Variants in ZNF385C observed in about 807,000 individuals in gnomAD.
ZNF385C encodes the protein zinc finger protein 385C.
A neutral mutation model predicts 35.4 loss-of-function variants in ZNF385C; 28 were observed. The ratio of observed to expected loss-of-function variants is 0.79; its 90% CI spans 0.59 to 1.08. ZNF385C has a LOEUF of 1.08. Ranked by LOEUF, ZNF385C falls within the 50% of genes least tolerant of loss-of-function variation. The pLI is 0.00. For synonymous variants in ZNF385C, 248 were observed against 248.2 expected (o/e 1.00, Z 0.01); for missense variants, 605 against 595.6 (o/e 1.02, Z -0.16).
chr17:42,039,620 C>G (rs911188923), intron 2 of ZNF385C: 1 of 1,172,666 alleles, frequency 8.5e-7, no homozygotes, highest in African/African-American at 1.6e-5. Context: ...AGCAGATCAT[C>G]TTGGGTGCAG....
At chr17:42,028,727 GA>G in intron 6 of ZNF385C, 55 bp downstream of exon 6, 2 of 1,507,364 alleles carry the variant, frequency 1.3e-6, no homozygotes, top group Non-Finnish European at 8.9e-7. Context: ...CTCATCTGGC[GA>G]GGCTTAGCTT....
chr17:42,063,701 G>A (rs964049371), intron 1 of ZNF385C, among the ~76,000 whole-genome samples: 1 of 152,202 alleles, frequency 6.6e-6, no homozygotes, highest in African/African-American at 2.4e-5. Context: ...GGTGGTCACT[G>A]AGGGAGAGGC....
intron 1 of ZNF385C, among the ~76,000 whole-genome samples, chr17:42,073,436 A>C (rs1402839181): frequency 2.7e-5 from 4 of 150,116 alleles, no homozygotes; most frequent in Non-Finnish European, 5.9e-5. Flanking sequence ...CTTCGTCTCA[A>C]AAAAAAAAAG....
At chr17:42,089,249 G>A (rs1488673492) in intron 1 of ZNF385C, among the ~76,000 whole-genome samples, 10 of 152,036 alleles carry the variant, frequency 6.6e-5, no homozygotes, top group Admixed American at 3.9e-4. Flanking sequence ...CTGGGAGGTC[G>A]AGGCTGCAGT....
chr17:42,077,858 T>C (rs1381787778), intron 1 of ZNF385C, among the ~76,000 whole-genome samples: 1 of 152,064 alleles, frequency 6.6e-6, no homozygotes, highest in Non-Finnish European at 1.5e-5. Flanking sequence ...CTTGAACAAG[T>C]CCACTGTGAC....
intron 1 of ZNF385C, among the ~76,000 whole-genome samples, chr17:42,079,402 A>T (rs1317079582): frequency 7.0e-5 from 10 of 142,414 alleles, no homozygotes; most frequent in African/African-American, 2.1e-4. Flanking sequence ...AAAAAAAAAA[A>T]TACTGACCAG....
intron 1 of ZNF385C, among the ~76,000 whole-genome samples, chr17:42,065,779 T>G (rs1555658409): frequency 6.6e-6 from 1 of 151,594 alleles, no homozygotes; most frequent in African/African-American, 2.4e-5. Context: ...TCTGCCCGCC[T>G]CGGCATCCCT....
rs1598185144 is a variant in ZNF385C, at chr17:42,041,012, C to G, written c.251-3127G>C. On this transcript the variant is annotated intron_variant, in intron 2 of 8. Coordinates refer to ENST00000692273, the MANE Select transcript of ZNF385C (RefSeq NM_001392013.1). The stretch of plus-strand genomic sequence containing the variant: ...GCAGTGGCCTCGCCCTCCTGTAGCT[C>G]CACACTGCCCAGGAAGGTGGTGGCG... 8.9e-6 allele frequency: 11 copies of G among 1,232,332 alleles called. No individual in the cohort carries two copies. The East Asian group carries it at 3.5e-4, about 39-fold the overall frequency. The allele number at this position is 1,232,332 out of a possible 1,614,324, so 76.3% of individuals were successfully genotyped here. A position where few individuals can be genotyped will look rare whatever the true frequency, so the allele number is the denominator to read the frequency against.
At chr17:42,065,989 G>C (rs146189121) in intron 1 of ZNF385C, among the ~76,000 whole-genome samples, 5 of 152,102 alleles carry the variant, frequency 3.3e-5, no homozygotes, top group African/African-American at 1.2e-4. Context: ...GATTAGATGA[G>C]CTGATCTATA....
chr17:42,082,264 C>T (rs782571690), intron 1 of ZNF385C, among the ~76,000 whole-genome samples: 1 of 152,188 alleles, frequency 6.6e-6, no homozygotes, highest in African/African-American at 2.4e-5. Context: ...GGGTATGACT[C>T]GTGACCTCAG....
At chr17:42,066,628 A>G (rs2053550520) in intron 1 of ZNF385C, among the ~76,000 whole-genome samples, 1 of 152,144 alleles carries the variant, frequency 6.6e-6, no homozygotes, top group African/African-American at 2.4e-5. Context: ...ATGTCCCCCA[A>G]AATTCAATAT....
chr17:42,040,011 G>C, intron 2 of ZNF385C: 1 of 1,231,052 alleles, frequency 8.1e-7, no homozygotes, highest in Non-Finnish European at 1.0e-6. Context: ...CCCGCGGGCC[G>C]AGCCGCCCAA....
At position 42,050,823 on chromosome 17, in the gene ZNF385C, G is replaced by C. The variant is rs1555657055; in HGVS notation, c.250+11984C>G. Among the ~76,000 whole-genome samples, 1 of 151,828 alleles carries C rather than the reference G, an allele frequency of 6.6e-6. No homozygotes were observed. Among genetic ancestry groups the C allele is most frequent in the African/African-American group, 2.4e-5 (1 of 41,422 alleles). Reference sequence around the variant, plus strand: ...CCACGCGCGGCAGCAGGAGCCAGAGGCTAGACCGCAGGCAGCGCGGTGCCG... The same window carrying C: ...CCACGCGCGGCAGCAGGAGCCAGAGCCTAGACCGCAGGCAGCGCGGTGCCG... On this transcript the variant is annotated intron_variant, in intron 2 of 8. Transcript: ENST00000692273. This position sits in a 1 kb window ranked among gnomAD's most constrained non-coding sequence, Gnocchi z 5.6.
At chr17:42,034,054 G>T (rs557638573) in intron 4 of ZNF385C, among the ~76,000 whole-genome samples, 171 bp downstream of exon 4, 1 of 152,272 alleles carries the variant, frequency 6.6e-6, no homozygotes, top group African/African-American at 2.4e-5. Flanking sequence ...AGAGAGGAGA[G>T]GATGCGATGG....
Position 42,037,874 on chromosome 17 carries a change from A to G in ZNF385C, c.262T>C (p.Ser88Pro). The G allele has an allele frequency of 1.3e-6, 2 of 1,523,786 alleles. No individual in the cohort carries two copies. The highest frequency in any genetic ancestry group is 1.3e-5 in the South Asian group (1 of 79,830). The allele number at this position is 1,523,786 out of a possible 1,614,324, so 94.4% of individuals were successfully genotyped here. The change falls in exon 3 of 9, where the codon TCC (serine) becomes CCC (proline). Residue 88 changes from serine (S) to proline (P), a missense_variant. Physicochemically the swap from Ser to Pro is moderately conservative, Grantham distance 74 (BLOSUM62 -1). Transcript: ENST00000692273. ...KSPSGPAGPA[S>P]GAPSPLLASL... Reference sequence around the variant, plus strand: ...GCCAGCAGGGGGCTGGGGGCGCCGGAGGCCGGGCCTGCTGCAGGAGGAAGA... The same window carrying G: ...GCCAGCAGGGGGCTGGGGGCGCCGGGGGCCGGGCCTGCTGCAGGAGGAAGA...
chr17:42,071,557 C>T (rs1486204611), intron 1 of ZNF385C, among the ~76,000 whole-genome samples: 1 of 152,190 alleles, frequency 6.6e-6, no homozygotes, highest in Non-Finnish European at 1.5e-5. Flanking sequence ...ACCTGCATCT[C>T]TCCTTGCAGG....
chr17:42,073,161 G>A (rs1164989137), intron 1 of ZNF385C, among the ~76,000 whole-genome samples: 1 of 152,208 alleles, frequency 6.6e-6, no homozygotes, highest in Non-Finnish European at 1.5e-5. Flanking sequence ...ACTTAGGTAG[G>A]CACGGTGGCT....
chr17:42,026,924 T>C lies in ZNF385C; in HGVS notation c.1485A>G (p.Thr495=), dbSNP rs1555654235. Residue 495 remains threonine (T), a synonymous_variant, in exon 9 of 9, where the codon ACA becomes ACG. Transcript: ENST00000692273. The part of the protein sequence containing the change: ...RTPAGAVRPA[T]GPIVLAPY Reference sequence around the variant, plus strand: ...AATAAGGGGCAAGGACGATAGGTCCTGTGGCAGGGCGGACAGCTCCTGCTG... The same window carrying C: ...AATAAGGGGCAAGGACGATAGGTCCCGTGGCAGGGCGGACAGCTCCTGCTG... The C allele has an allele frequency of 6.9e-6, 11 of 1,604,186 alleles. No homozygotes were observed. In the South Asian group the frequency reaches 1.0e-4, roughly 15 times the overall value.
rs782002985 is a variant in ZNF385C, at chr17:42,026,985, G to A, written c.1424C>T (p.Pro475Leu). The change falls in exon 9 of 9, where the codon CCG becomes CTG. Residue 475 changes from proline to leucine, a missense_variant. By Grantham distance (98) the Pro-to-Leu change is moderately conservative. Coordinates refer to ENST00000692273, the MANE Select transcript of ZNF385C (RefSeq NM_001392013.1). ...CAGAGCTGGGCCCAGGATGGGAGCC[G>A]GGAAGAGGGTAGTGGCTGCTGTAGG... ...PAPTAATTLF[P>L]APILGPALFR... is the part of the protein sequence containing the mutation. 2.5e-6 allele frequency: 4 copies of A among 1,611,098 alleles called. No individual in the cohort carries two copies. The highest frequency in any genetic ancestry group is 2.7e-5 in the African/African-American group (2 of 74,856).
Sources: gnomAD v4.1 joint callset for allele counts (sites outside exome capture counted in the v4.1 genomes callset) on GRCh38, gnomAD v4.1.1 for gene constraint, Gnocchi (gnomAD v3.1) non-coding constraint, MANE v1.5 for transcripts, NCBI Gene and HGNC (gene_info 2026-07-23, HGNC 2026-07-21) for gene names.